CLYBL: variants seen among roughly 807,000 people sequenced by gnomAD.
CLYBL encodes the protein citramalyl-CoA lyase, mitochondrial.
A neutral mutation model predicts 38.9 loss-of-function variants in CLYBL; 31 were observed. The ratio of observed to expected loss-of-function variants is 0.80; its 90% CI spans 0.60 to 1.08. The LOEUF (loss-of-function observed/expected upper bound fraction) is 1.08, where lower values mean the gene tolerates loss of function less well. CLYBL is among the 50% of genes least tolerant of loss of function. CLYBL has a pLI of 0.00. For synonymous variants in CLYBL, 171 were observed against 158.6 expected, an observed-to-expected ratio of 1.08 and a Z score of -0.59; for missense variants, 434 against 411.6, an observed-to-expected ratio of 1.05 and a Z score of -0.47.
intron 2 of CLYBL, among the ~76,000 whole-genome samples, chr13:99,833,007 C>CATACAT (rs1189179465): frequency 7.8e-5 from 4 of 51,580 alleles, no homozygotes; most frequent in Non-Finnish European, 9.9e-5. Context: ...TACATACATA[C>CATACAT]ATATATATAT....
chr13:99,796,555 C>A (rs568800832), intron 2 of CLYBL, among the ~76,000 whole-genome samples: 1 of 152,296 alleles, frequency 6.6e-6, no homozygotes, highest in South Asian at 2.1e-4. Context: ...TCCCCATTGA[C>A]AGATGACAGA....
chr13:99,815,361 A>G (rs1317388876), intron 2 of CLYBL, among the ~76,000 whole-genome samples: 2 of 152,174 alleles, frequency 1.3e-5, no homozygotes, highest in Non-Finnish European at 2.9e-5. Context: ...CTATCAGAGC[A>G]AGCCTGGGCA....
At chr13:99,806,095 A>G (rs1434881270) in intron 2 of CLYBL, among the ~76,000 whole-genome samples, 10 of 152,194 alleles carry the variant, frequency 6.6e-5, no homozygotes, top group Admixed American at 6.5e-5. Context: ...TTTCATGTAC[A>G]TAACTTTTTT....
At chr13:99,816,933 T>C (rs983681973) in intron 2 of CLYBL, among the ~76,000 whole-genome samples, 3 of 152,192 alleles carry the variant, frequency 2.0e-5, no homozygotes, top group Admixed American at 1.3e-4. Context: ...GAACGTGCGC[T>C]GCGGATAGGG....
At chr13:99,866,042 C>CAGTT (rs928748761) in intron 5 of CLYBL, among the ~76,000 whole-genome samples, 198 bp from the exon 6 acceptor site, 2 of 152,208 alleles carry the variant, frequency 1.3e-5, no homozygotes, top group African/African-American at 2.4e-5. Context: ...GATGCCTTGT[C>CAGTT]AGTTAAACAG....
In CLYBL at chr13:99,849,888, T is replaced by G. The variant is rs1050332783; in HGVS notation, c.250-8973T>G. Among the ~76,000 whole-genome samples the G allele has an allele frequency of 6.6e-6, 1 of 152,182 alleles. No individual in the cohort carries two copies. The highest frequency in any genetic ancestry group is 2.4e-5 in the African/African-American group (1 of 41,434). Reference sequence around the variant, plus strand: ...GTAAGCCCCTTCTTTCCACTGGAGTTTTCTCTTTCCTGGGAATTTCATTGT... The same window carrying G: ...GTAAGCCCCTTCTTTCCACTGGAGTGTTCTCTTTCCTGGGAATTTCATTGT... On this transcript the variant is annotated intron_variant, in intron 2 of 8. Transcript: ENST00000339105. The surrounding 1 kb of genome is among the most constrained non-coding windows in gnomAD (Gnocchi z 4.9).
In CLYBL at chr13:99,845,564, G is replaced by A. The variant is rs1041712881; in HGVS notation, c.250-13297G>A. 2.6e-5 allele frequency among the ~76,000 whole-genome samples: 4 copies of A among 152,210 alleles called. No individual in the cohort carries two copies. In the South Asian group the frequency reaches 8.3e-4, roughly 31 times the overall value. On this transcript the variant is annotated intron_variant, in intron 2 of 8. Transcript: ENST00000339105. Reference sequence around the variant, plus strand: ...GGAAATCAAATGCGGTGCCAGCCACGGCATTGTTTTATTAGCATTTGCTCG... The same window carrying A: ...GGAAATCAAATGCGGTGCCAGCCACAGCATTGTTTTATTAGCATTTGCTCG...
At chr13:99,722,840 C>T (rs954977641) in intron 1 of CLYBL, among the ~76,000 whole-genome samples, 2 of 152,340 alleles carry the variant, frequency 1.3e-5, no homozygotes, top group Admixed American at 6.5e-5. Flanking sequence ...GTTCCCATGC[C>T]GCTTGCTGGT....
chr13:99,891,259 G>A (rs2052480859), intron 7 of CLYBL, 59 bp from the exon 8 acceptor site: 1 of 1,275,380 alleles, frequency 7.8e-7, no homozygotes, highest in Non-Finnish European at 1.1e-6. Flanking sequence ...AGTGTGCACA[G>A]AAAGGAAACC....
At chr13:99,717,966 C>A (rs1408838587) in intron 1 of CLYBL, among the ~76,000 whole-genome samples, 2 of 152,038 alleles carry the variant, frequency 1.3e-5, no homozygotes, top group African/African-American at 4.8e-5. Flanking sequence ...GAATATAGTT[C>A]ACATTCTCTG....
At chr13:99,650,058 T>C (rs1280658857) in intron 1 of CLYBL, among the ~76,000 whole-genome samples, 1 of 151,750 alleles carries the variant, frequency 6.6e-6, no homozygotes, top group East Asian at 1.9e-4. Flanking sequence ...GGTCAGGAGA[T>C]AGAGACCATC....
At chr13:99,664,995 T>C (rs2047459985) in intron 1 of CLYBL, among the ~76,000 whole-genome samples, 1 of 152,042 alleles carries the variant, frequency 6.6e-6, no homozygotes, top group Non-Finnish European at 1.5e-5. Flanking sequence ...CACAATATTA[T>C]AGCAGAAGAA....
intron 1 of CLYBL, among the ~76,000 whole-genome samples, chr13:99,615,589 A>G (rs2046696946): frequency 6.6e-6 from 1 of 152,230 alleles, no homozygotes; most frequent in South Asian, 2.1e-4. Flanking sequence ...TAAGAAATCA[A>G]GGAAATAATA....
At chr13:99,751,247 G>C (rs189270658) in intron 1 of CLYBL, among the ~76,000 whole-genome samples, 2 of 151,522 alleles carry the variant, frequency 1.3e-5, no homozygotes, top group Admixed American at 6.6e-5. Flanking sequence ...TTTAGATGGA[G>C]TCTCACTCTG....
At chr13:99,770,076 CTTTCTT>C (rs1566319435) in intron 1 of CLYBL, among the ~76,000 whole-genome samples, 1 of 121,964 alleles carries the variant, frequency 8.2e-6, no homozygotes. Flanking sequence ...TTTTTCTTTT[CTTTCTT>C]TTTTTTTTTT....
chr13:99,782,018 C>A (rs1311590711), intron 2 of CLYBL, among the ~76,000 whole-genome samples: 1 of 152,152 alleles, frequency 6.6e-6, no homozygotes, highest in African/African-American at 2.4e-5. Context: ...TAATCCTATA[C>A]ATTTTATATT....
chr13:99,851,258 T>C (rs1424468593), intron 2 of CLYBL, among the ~76,000 whole-genome samples: 1 of 150,468 alleles, frequency 6.6e-6, no homozygotes, highest in Non-Finnish European at 1.5e-5. Flanking sequence ...TCCCAGCTAC[T>C]CGGGAGGCTG....
At chr13:99,765,101 A>G (rs1405695168) in intron 1 of CLYBL, among the ~76,000 whole-genome samples, 1 of 151,338 alleles carries the variant, frequency 6.6e-6, no homozygotes, top group African/African-American at 2.4e-5. Flanking sequence ...GAATAACTCA[A>G]TATTTAGTGT....
chr13:99,684,035 A>ATTTTTTTTTTTTTT (rs778902077), intron 1 of CLYBL, among the ~76,000 whole-genome samples: 16 of 86,378 alleles, frequency 1.9e-4, no homozygotes, highest in Non-Finnish European at 2.9e-4. Context: ...TGCCTGGCTA[A>ATTTTTTTTTTTTTT]TTTTTTTTTT....
Sources: gnomAD v4.1 joint callset for allele counts (sites outside exome capture counted in the v4.1 genomes callset) on GRCh38, gnomAD v4.1.1 for gene constraint, Gnocchi (gnomAD v3.1) non-coding constraint, MANE v1.5 for transcripts, NCBI Gene and HGNC (gene_info 2026-07-23, HGNC 2026-07-21) for gene names.